PARD3B: variants seen among roughly 807,000 people sequenced by gnomAD.
PARD3B encodes the protein partitioning defective 3 homolog B.
A neutral mutation model predicts 130.2 loss-of-function variants in PARD3B; 103 were observed. The observed-to-expected ratio is 0.79, with a 90% CI of 0.67 to 0.93. The LOEUF (loss-of-function observed/expected upper bound fraction) is 0.93. PARD3B is among the 40% of genes least tolerant of loss of function. The pLI is 0.00. For missense variants in PARD3B, 1,609 were observed against 1,499.2 expected, an observed-to-expected ratio of 1.07 and a Z score of -1.21; for synonymous variants, 583 against 553.2, an observed-to-expected ratio of 1.05 and a Z score of -0.76.
At chr2:205,031,776 T>G (rs533828190) in intron 3 of PARD3B, among the ~76,000 whole-genome samples, 1 of 152,308 alleles carries the variant, frequency 6.6e-6, no homozygotes, top group East Asian at 1.9e-4. Flanking sequence ...TGCAAGTTAA[T>G]AAGTAGCTCA....
At chr2:204,603,155 A>G (rs1179443535) in intron 1 of PARD3B, among the ~76,000 whole-genome samples, 1 of 152,126 alleles carries the variant, frequency 6.6e-6, no homozygotes, top group Non-Finnish European at 1.5e-5. Flanking sequence ...CTGAAAAGTT[A>G]AAGGTACTGA....
At chr2:204,851,149 C>T (rs114389151) in intron 2 of PARD3B, among the ~76,000 whole-genome samples, 1,660 of 152,230 alleles carry the variant, frequency 0.011, 18 homozygotes, top group Non-Finnish European at 0.018. Context: ...TGGTTTATAC[C>T]AGAGGTACTC....
intron 18 of PARD3B, among the ~76,000 whole-genome samples, chr2:205,303,821 C>T (rs115458116): frequency 0.011 from 1,604 of 152,280 alleles, 23 homozygotes; most frequent in African/African-American, 0.037. Flanking sequence ...TCCAAATTCC[C>T]TAAGGGGTTT....
At chr2:204,979,851 A>G (rs1049111737) in intron 3 of PARD3B, among the ~76,000 whole-genome samples, 1 of 152,232 alleles carries the variant, frequency 6.6e-6, no homozygotes, top group Non-Finnish European at 1.5e-5. Flanking sequence ...CAGATTATAG[A>G]TCTAAAGGTA....
chr2:204,593,346 T>G (rs1468458737), intron 1 of PARD3B, among the ~76,000 whole-genome samples: 3 of 152,136 alleles, frequency 2.0e-5, no homozygotes, highest in Non-Finnish European at 4.4e-5. Context: ...GGAGGGGGCT[T>G]GCGCATGGAG....
intron 2 of PARD3B, among the ~76,000 whole-genome samples, chr2:204,879,402 A>G (rs1052744386): frequency 2.0e-5 from 3 of 152,192 alleles, no homozygotes; most frequent in African/African-American, 7.2e-5. Context: ...GTATCAACTG[A>G]GCCAGGTCAT....
intron 16 of PARD3B, among the ~76,000 whole-genome samples, chr2:205,267,682 T>C (rs1677881107): frequency 6.6e-6 from 1 of 152,260 alleles, no homozygotes; most frequent in African/African-American, 2.4e-5. Flanking sequence ...CTCACTGTAA[T>C]TTATATCAGC....
At chr2:205,238,846 AAAAAT>A (rs1226888619) in intron 15 of PARD3B, among the ~76,000 whole-genome samples, 2 of 80,076 alleles carry the variant, frequency 2.5e-5, no homozygotes, top group South Asian at 4.8e-4. Context: ...AAAAAAAAAA[AAAAAT>A]ATATATATAT....
At chr2:205,101,123 ACT>A (rs1181001618) in intron 4 of PARD3B, among the ~76,000 whole-genome samples, 5 of 152,130 alleles carry the variant, frequency 3.3e-5, no homozygotes, top group African/African-American at 1.2e-4. Flanking sequence ...TATTTAAAGA[ACT>A]CTCTACAGGT....
At chr2:204,564,741 C>T (rs1034377790) in intron 1 of PARD3B, among the ~76,000 whole-genome samples, 3 of 152,010 alleles carry the variant, frequency 2.0e-5, no homozygotes, top group Non-Finnish European at 4.4e-5. Context: ...CAATCTGTTG[C>T]AATGTTGTTT....
Position 205,300,754 on chromosome 2 carries a change from C to T in PARD3B, c.2392+18C>T. On this transcript the variant is annotated intron_variant, in intron 17 of 22. Transcript: ENST00000406610. This position sits in a 1 kb window ranked among gnomAD's most constrained non-coding sequence, Gnocchi z 4.1. ...AGAAGCTGGTAGGATGATATGCTTCCTTAAATGGCTTCTTCATCTCATTAT... is the reference window on the plus strand; with the variant it reads ...AGAAGCTGGTAGGATGATATGCTTCTTTAAATGGCTTCTTCATCTCATTAT... The T allele has an allele frequency of 6.3e-7, 1 of 1,594,626 alleles. No individual in the cohort carries two copies. Among genetic ancestry groups the T allele is most frequent in the East Asian group, 2.3e-5 (1 of 44,360 alleles).
intron 18 of PARD3B, among the ~76,000 whole-genome samples, chr2:205,396,846 A>G (rs1438613849): frequency 6.6e-6 from 1 of 152,218 alleles, no homozygotes; most frequent in African/African-American, 2.4e-5. Context: ...TTAGCCATTC[A>G]GGGTTCGTGA....
chr2:205,038,138 A>C (rs140786587), intron 3 of PARD3B, among the ~76,000 whole-genome samples: 26 of 152,264 alleles, frequency 1.7e-4, no homozygotes, highest in Non-Finnish European at 3.1e-4. Context: ...ATACACCTGA[A>C]AAAGAATGTA....
intron 22 of PARD3B, among the ~76,000 whole-genome samples, chr2:205,594,113 C>T (rs565268721): frequency 2.6e-5 from 4 of 152,210 alleles, no homozygotes; most frequent in African/African-American, 7.2e-5. Context: ...TCTGGCAGGG[C>T]CATGAAATTA....
chr2:204,870,040 C>A (rs944465267), intron 2 of PARD3B, among the ~76,000 whole-genome samples: 4 of 152,134 alleles, frequency 2.6e-5, no homozygotes. Context: ...TCCTTTCTAC[C>A]CTCTTCCAGA....
intron 4 of PARD3B, among the ~76,000 whole-genome samples, chr2:205,064,753 T>G (rs1256525168): frequency 6.6e-6 from 1 of 152,104 alleles, no homozygotes; most frequent in African/African-American, 2.4e-5. Flanking sequence ...AAAGATGGCT[T>G]GATGTGGACT....
At chr2:205,481,072 C>T (rs1433421302) in intron 20 of PARD3B, among the ~76,000 whole-genome samples, 1 of 152,160 alleles carries the variant, frequency 6.6e-6, no homozygotes, top group African/African-American at 2.4e-5. Context: ...GAGAGGGAAA[C>T]AGGCCAGTTC....
intron 2 of PARD3B, among the ~76,000 whole-genome samples, chr2:204,910,930 C>A (rs968278972): frequency 6.6e-6 from 1 of 152,172 alleles, no homozygotes; most frequent in Non-Finnish European, 1.5e-5. Flanking sequence ...GCATGAGACA[C>A]CGCGCCCGGC....
chr2:205,585,486 C>T lies in PARD3B; in HGVS notation c.3261-29970C>T, dbSNP rs773029791. 1.3e-5 allele frequency among the ~76,000 whole-genome samples: 2 copies of T among 152,142 alleles called. No individual in the cohort carries two copies. Among genetic ancestry groups the T allele is most frequent in the Admixed American group, 6.5e-5 (1 of 15,274 alleles). On this transcript the variant is annotated intron_variant, in intron 22 of 22. Transcript: ENST00000406610. The surrounding 1 kb of genome is among the most constrained non-coding windows in gnomAD (Gnocchi z 5.4). ...ATGAGAAGGCCAGGATGGTAGCCTCCGGAAGAATCGGCAGGCATTTATTTA... is the reference window on the plus strand; with the variant it reads ...ATGAGAAGGCCAGGATGGTAGCCTCTGGAAGAATCGGCAGGCATTTATTTA...
Sources: allele counts gnomAD v4.1 joint callset (sites outside exome capture counted in the v4.1 genomes callset), GRCh38; gene constraint gnomAD v4.1.1; non-coding constraint Gnocchi (gnomAD v3.1); transcripts MANE v1.5; gene names NCBI Gene and HGNC (gene_info 2026-07-23, HGNC 2026-07-21).